ADAMTS16: variants seen among roughly 807,000 people sequenced by gnomAD.
The protein encoded by ADAMTS16 is A disintegrin and metalloproteinase with thrombospondin motifs 16.
Under a neutral mutation model 145.8 loss-of-function variants are expected in ADAMTS16, and 94 were observed. The observed-to-expected ratio is 0.64, with a 90% confidence interval of 0.55 to 0.77. The LOEUF is 0.77. ADAMTS16 is among the 30% of genes least tolerant of loss of function. The pLI, the probability that ADAMTS16 is intolerant of heterozygous loss-of-function variation, is 0.00. For synonymous variants in ADAMTS16, 659 were observed against 604.3 expected (o/e 1.09, Z -1.33); for missense variants, 1,585 against 1,591.5 (o/e 1.00, Z 0.07).
chr5:5,296,982 C>T (rs1257978597), intron 18 of ADAMTS16, among the ~76,000 whole-genome samples: 1 of 152,110 alleles, frequency 6.6e-6, no homozygotes, highest in Admixed American at 6.5e-5. Flanking sequence ...AGCACAGAAA[C>T]CTGAAGAGGG....
chr5:5,295,862 T>C (rs544714304), intron 18 of ADAMTS16, among the ~76,000 whole-genome samples: 24 of 152,232 alleles, frequency 1.6e-4, no homozygotes, highest in Admixed American at 3.9e-4. Context: ...TGTGCTTCCA[T>C]GTCAGGGTAG....
Position 5,140,522 on chromosome 5 carries a change from G to A in ADAMTS16, c.55G>A (p.Ala19Thr). 3 of 1,514,848 alleles carry A rather than the reference G, an allele frequency of 2.0e-6. No homozygotes were observed. In the South Asian group the frequency reaches 3.7e-5, roughly 19 times the overall value. The allele number at this position is 1,514,848 out of a possible 1,614,324, so 93.8% of individuals were successfully genotyped here. The change falls in exon 1 of 23, where the codon GCG becomes ACG. Residue 19 changes from alanine (A) to threonine (T), a missense_variant. Ala to Thr is a moderately conservative substitution (Grantham distance 58). This residue lies in a region of ADAMTS16 where 453 missense variants were observed against 412.1 expected (regional missense o/e 1.10). Coordinates refer to ENST00000274181, the MANE Select transcript of ADAMTS16 (RefSeq NM_139056.4). ...CTTGGCGGCGCTGTGGATGCTGTTG[G>A]CGCAGGTGGCCGAGCAGGTGAGTCC... is the stretch of plus-strand genomic sequence containing the variant. ...RGLAALWMLL[A>T]QVAEQAPACA...
intron 3 of ADAMTS16, among the ~76,000 whole-genome samples, chr5:5,175,401 A>T (rs1433632519): frequency 3.3e-5 from 5 of 152,158 alleles, no homozygotes; most frequent in African/African-American, 1.2e-4. Flanking sequence ...AGTGCTCGTT[A>T]AACTTTTTTC....
chr5:5,172,848 G>A (rs1020843058), intron 3 of ADAMTS16, among the ~76,000 whole-genome samples: 1 of 151,898 alleles, frequency 6.6e-6, no homozygotes, highest in African/African-American at 2.4e-5. Flanking sequence ...TTTTTCATTG[G>A]GATCTATTTC....
chr5:5,190,424 G>A (rs1416533077), intron 7 of ADAMTS16, among the ~76,000 whole-genome samples: 1 of 152,016 alleles, frequency 6.6e-6, no homozygotes, highest in African/African-American at 2.4e-5. Context: ...GTGCCAATGG[G>A]GTGGATAGAT....
chr5:5,237,191 G>C, intron 14 of ADAMTS16, 92 bp downstream of exon 14: 1 of 1,364,276 alleles, frequency 7.3e-7, no homozygotes, highest in Middle Eastern at 1.9e-4. Context: ...CTGGACATAT[G>C]AGACAAGCCT....
intron 20 of ADAMTS16, among the ~76,000 whole-genome samples, chr5:5,304,530 C>G (rs79943945): frequency 0.02 from 3,007 of 152,206 alleles, 101 homozygotes; most frequent in African/African-American, 0.069. Context: ...TGCATTGCCA[C>G]AGCAGCTGTG....
At chr5:5,163,641 A>G (rs1734795017) in intron 3 of ADAMTS16, among the ~76,000 whole-genome samples, 1 of 152,226 alleles carries the variant, frequency 6.6e-6, no homozygotes. Context: ...TGATGAGGCC[A>G]TGTCTTTAGT....
intron 6 of ADAMTS16, 49 bp downstream of exon 6, chr5:5,187,857 A>T (rs761818824): frequency 8.2e-7 from 1 of 1,218,560 alleles, no homozygotes; most frequent in Non-Finnish European, 1.2e-6. Context: ...AGAAAAATAA[A>T]TGCAAAATAA....
chr5:5,222,541 A>T (rs924031907), intron 10 of ADAMTS16, among the ~76,000 whole-genome samples: 2 of 152,210 alleles, frequency 1.3e-5, no homozygotes, highest in Admixed American at 6.5e-5. Context: ...TTTAGAAAAT[A>T]TAATTTTGTT....
chr5:5,151,266 T>G (rs979808842), intron 3 of ADAMTS16, among the ~76,000 whole-genome samples: 5 of 151,394 alleles, frequency 3.3e-5, no homozygotes, highest in Admixed American at 2.0e-4. Flanking sequence ...TGAGCTGGAG[T>G]CTCACCCTGT....
chr5:5,214,870 A>G (rs1373072985), intron 10 of ADAMTS16, among the ~76,000 whole-genome samples: 2 of 152,194 alleles, frequency 1.3e-5, no homozygotes, highest in Non-Finnish European at 2.9e-5. Context: ...TTTTTAATGA[A>G]CACCTGCTCA....
In ADAMTS16 at chr5:5,303,633, C is replaced by T. The variant is rs774065197; in HGVS notation, c.3053C>T (p.Pro1018Leu). The stretch of plus-strand genomic sequence containing the variant: ...GCAGTGGCCTGTAAGAGCACCAACC[C>T]CTCGGCCAGAGCGCAGCTGCTGCCC... ...KRAVACKSTN[P>L]SARAQLLPDA... is the part of the protein sequence containing the mutation. The change falls in exon 20 of 23, where the codon CCC becomes CTC. Residue 1018 changes from proline (P) to leucine (L), a missense_variant. This residue lies in a region of ADAMTS16 where 834 missense variants were observed against 811.7 expected (regional missense o/e 1.03). Coordinates refer to ENST00000274181, the MANE Select transcript of ADAMTS16 (RefSeq NM_139056.4). 5 of 1,614,012 alleles carry T rather than the reference C, an allele frequency of 3.1e-6. No individual in the cohort carries two copies. In the African/African-American group the frequency reaches 4.0e-5, roughly 13 times the overall value.
intron 18 of ADAMTS16, among the ~76,000 whole-genome samples, chr5:5,279,138 C>G (rs943917128): frequency 1.3e-5 from 2 of 152,196 alleles, no homozygotes; most frequent in African/African-American, 4.8e-5. Context: ...CTTGTTCCAG[C>G]CCAGGCCTGT....
intron 8 of ADAMTS16, among the ~76,000 whole-genome samples, chr5:5,192,825 A>C (rs1735701155): frequency 6.6e-6 from 1 of 152,204 alleles, no homozygotes; most frequent in Admixed American, 6.5e-5. Context: ...TTTACCTTGA[A>C]GTATCGTCTG....
At chr5:5,248,463 C>T (rs1350742896) in intron 17 of ADAMTS16, among the ~76,000 whole-genome samples, 1 of 152,202 alleles carries the variant, frequency 6.6e-6, no homozygotes, top group Non-Finnish European at 1.5e-5. Context: ...CTTACATTAC[C>T]TTTTGAAGCT....
At chr5:5,239,002 T>A in intron 14 of ADAMTS16, 149 bp from the exon 15 acceptor site, 2 of 825,394 alleles carry the variant, frequency 2.4e-6, no homozygotes, top group Non-Finnish European at 3.5e-6. Context: ...TGTGCACATA[T>A]TAGGTATCCA....
At chr5:5,261,741 C>T (rs969095494) in intron 17 of ADAMTS16, among the ~76,000 whole-genome samples, 6 of 152,160 alleles carry the variant, frequency 3.9e-5, no homozygotes, top group Admixed American at 2.6e-4. Flanking sequence ...GCCTCGGCCG[C>T]CCAAAGTATC....
intron 18 of ADAMTS16, among the ~76,000 whole-genome samples, chr5:5,276,236 T>C (rs1579370047): frequency 6.6e-6 from 1 of 152,206 alleles, no homozygotes; most frequent in African/African-American, 2.4e-5. Context: ...GTCCACCAAT[T>C]TATTGTATGT....
Sources: gnomAD v4.1 joint callset for allele counts (sites outside exome capture counted in the v4.1 genomes callset) on GRCh38, gnomAD v4.1.1 for gene constraint, gnomAD v4.1.1 regional missense constraint, MANE v1.5 for transcripts, NCBI Gene and HGNC (gene_info 2026-07-23, HGNC 2026-07-21) for gene names.